The following POU6F2 variants were observed in gnomAD, a reference collection of about 807,000 sequenced individuals.
POU6F2 encodes the protein POU domain, class 6, transcription factor 2.
POU6F2 carries 31 observed loss-of-function variants against 71.3 expected under a neutral mutation model. That is an observed-to-expected ratio of 0.43 (90% CI 0.33 to 0.59). The LOEUF (loss-of-function observed/expected upper bound fraction) is 0.59. POU6F2 is among the 20% of genes least tolerant of loss of function. POU6F2 has a pLI of 0.04. For missense variants in POU6F2, 783 were observed against 856.8 expected, an observed-to-expected ratio of 0.91 and a Z score of 1.07; for synonymous variants, 347 against 355.7, an observed-to-expected ratio of 0.98 and a Z score of 0.27.
intron 1 of POU6F2, among the ~76,000 whole-genome samples, chr7:39,075,928 A>G (rs1790993161): frequency 6.6e-6 from 1 of 152,176 alleles, no homozygotes; most frequent in African/African-American, 2.4e-5. Context: ...CAGTGTAGCT[A>G]TGACATTCTT....
intron 1 of POU6F2, among the ~76,000 whole-genome samples, chr7:39,023,865 C>T (rs1789735680): frequency 6.6e-6 from 1 of 151,930 alleles, no homozygotes; most frequent in Admixed American, 6.6e-5. Flanking sequence ...GGAAAAAGGC[C>T]CAATGGTTGG....
intron 6 of POU6F2, among the ~76,000 whole-genome samples, chr7:39,421,028 A>G (rs573680830): frequency 2.0e-5 from 3 of 152,336 alleles, no homozygotes; most frequent in South Asian, 2.1e-4. Flanking sequence ...TTAGAAAACT[A>G]TGAGAAACCA....
At chr7:39,322,130 C>A (rs890235329) in intron 4 of POU6F2, among the ~76,000 whole-genome samples, 1 of 152,154 alleles carries the variant, frequency 6.6e-6, no homozygotes, top group Non-Finnish European at 1.5e-5. Context: ...TTGCTTTACC[C>A]GTCCTATTAG....
chr7:39,274,193 C>T (rs1056837651), intron 4 of POU6F2, among the ~76,000 whole-genome samples: 5 of 151,988 alleles, frequency 3.3e-5, no homozygotes, highest in Admixed American at 1.3e-4. Context: ...ATCAAATAGA[C>T]ACAATAAAAA....
chr7:39,098,173 G>A (rs999608013), intron 2 of POU6F2, among the ~76,000 whole-genome samples: 1 of 151,692 alleles, frequency 6.6e-6, no homozygotes, highest in Non-Finnish European at 1.5e-5. Flanking sequence ...ATTCTTGTTT[G>A]TCTTATATAT....
intron 4 of POU6F2, among the ~76,000 whole-genome samples, chr7:39,242,221 A>G (rs1783739087): frequency 6.6e-6 from 1 of 152,090 alleles, no homozygotes; most frequent in African/African-American, 2.4e-5. Context: ...TTTTGGGTAA[A>G]TACTTAGGAG....
intron 4 of POU6F2, among the ~76,000 whole-genome samples, chr7:39,236,276 A>G (rs926870951): frequency 6.6e-6 from 1 of 152,106 alleles, no homozygotes; most frequent in Non-Finnish European, 1.5e-5. Context: ...AAACACAGTG[A>G]TGAGTACTCT....
intron 4 of POU6F2, among the ~76,000 whole-genome samples, chr7:39,303,478 A>G (rs563985511): frequency 1.1e-3 from 169 of 152,276 alleles, no homozygotes; most frequent in Non-Finnish European, 1.8e-3. Context: ...CTACTTGACT[A>G]TTTTAATATG....
chr7:39,246,905 C>CTTTTTTTTTTTT lies in POU6F2; in HGVS notation c.598+39297_598+39308dup, dbSNP rs398004470. 5.0e-3 allele frequency among the ~76,000 whole-genome samples: 389 copies of CTTTTTTTTTTTT among 78,128 alleles called. 28 individuals are homozygous for CTTTTTTTTTTTT. The highest frequency in any genetic ancestry group is 0.012 in the African/African-American group (212 of 17,068). 51.3% of individuals were successfully genotyped at this position (78,128 alleles called of 152,430 possible). A position where few individuals can be genotyped will look rare whatever the true frequency, so the allele number is the denominator to read the frequency against. On this transcript the variant is annotated intron_variant, in intron 4 of 9. Coordinates refer to ENST00000518318, the MANE Select transcript of POU6F2 (RefSeq NM_001370959.1). ...CCAGCTCACCCCAAATCCAGGGTGG[C>CTTTTTTTTTTTT]TTTTTTTTTTTTTTTTTTTTTTTGC...
At chr7:39,214,302 C>T (rs1319926517) in intron 4 of POU6F2, among the ~76,000 whole-genome samples, 1 of 152,142 alleles carries the variant, frequency 6.6e-6, no homozygotes, top group African/African-American at 2.4e-5. Flanking sequence ...CACTCTGTTC[C>T]CACCCAGAAA....
intron 1 of POU6F2, among the ~76,000 whole-genome samples, chr7:39,027,618 C>A (rs570908745): frequency 4.6e-4 from 70 of 152,234 alleles, no homozygotes; most frequent in Non-Finnish European, 8.2e-4. Flanking sequence ...ATTAAGAATT[C>A]TTGAAATATT....
chr7:39,332,540 G>C (rs1785677204), intron 4 of POU6F2, among the ~76,000 whole-genome samples: 1 of 152,126 alleles, frequency 6.6e-6, no homozygotes, highest in Non-Finnish European at 1.5e-5. Flanking sequence ...CGTCTGCTCT[G>C]GCCCTGGCCA....
intron 4 of POU6F2, among the ~76,000 whole-genome samples, chr7:39,328,801 G>A (rs1005221810): frequency 6.6e-5 from 10 of 152,086 alleles, no homozygotes; most frequent in Admixed American, 3.9e-4. Flanking sequence ...GGCCACATGT[G>A]TCTACACAGT....
At chr7:39,387,019 C>G (rs1222540153) in intron 5 of POU6F2, among the ~76,000 whole-genome samples, 1 of 152,202 alleles carries the variant, frequency 6.6e-6, no homozygotes, top group Non-Finnish European at 1.5e-5. Flanking sequence ...CAGCTGGAAA[C>G]ACTAGCTGCC....
chr7:39,376,966 TA>T (rs1241582766), intron 5 of POU6F2, among the ~76,000 whole-genome samples: 1 of 148,650 alleles, frequency 6.7e-6, no homozygotes, highest in East Asian at 1.9e-4. Context: ...TATTTCATTA[TA>T]AAAATATATT....
At chr7:39,149,529 C>CA (rs1792699846) in intron 2 of POU6F2, among the ~76,000 whole-genome samples, 1 of 152,154 alleles carries the variant, frequency 6.6e-6, no homozygotes, top group South Asian at 2.1e-4. Flanking sequence ...GTGATAAGAG[C>CA]AGCTAAAATC....
intron 6 of POU6F2, among the ~76,000 whole-genome samples, chr7:39,416,401 G>C (rs1036851002): frequency 6.6e-6 from 1 of 152,126 alleles, no homozygotes; most frequent in African/African-American, 2.4e-5. Context: ...TGAGTGCTTC[G>C]TATGGGCACT....
At chr7:39,318,795 T>C (rs567709243) in intron 4 of POU6F2, among the ~76,000 whole-genome samples, 2 of 152,282 alleles carry the variant, frequency 1.3e-5, no homozygotes, top group Admixed American at 1.3e-4. Flanking sequence ...CTAGGTAATA[T>C]AAACACTACT....
intron 4 of POU6F2, among the ~76,000 whole-genome samples, chr7:39,270,832 A>G (rs540061536): frequency 6.6e-6 from 1 of 152,176 alleles, no homozygotes; most frequent in Non-Finnish European, 1.5e-5. Flanking sequence ...TTCTGGCCCC[A>G]ATTAGTGACA....
Sources: allele counts gnomAD v4.1 joint callset (sites outside exome capture counted in the v4.1 genomes callset), GRCh38; gene constraint gnomAD v4.1.1; transcripts MANE v1.5; gene names NCBI Gene and HGNC (gene_info 2026-07-23, HGNC 2026-07-21).